The following AFAP1 variants were observed in gnomAD, a reference collection of about 807,000 sequenced individuals.
The protein encoded by AFAP1 is actin filament-associated protein 1.
Under a neutral mutation model 93.9 loss-of-function variants are expected in AFAP1, and 75 were observed. The observed-to-expected ratio is 0.80, with a 90% CI of 0.66 to 0.97. AFAP1 has a LOEUF of 0.97. AFAP1 is among the 50% of genes least tolerant of loss of function. The probability of loss-of-function intolerance (pLI) is 0.00; values close to 1 mark genes in which losing one functional copy is unlikely to be tolerated. For synonymous variants in AFAP1, 517 were observed against 430.7 expected (o/e 1.20, Z -2.48); for missense variants, 1,201 against 1,050.8 (o/e 1.14, Z -1.98).
Position 7,774,907 on chromosome 4 carries a change from GAGA to G in AFAP1, c.1898-7_1898-5del. 1 of 1,596,110 alleles carries G rather than the reference GAGA, an allele frequency of 6.3e-7. No homozygotes were observed. On this transcript the variant is annotated splice_region_variant and splice_polypyrimidine_tract_variant and intron_variant, in intron 14 of 17. Coordinates refer to ENST00000420658, the MANE Select transcript of AFAP1 (RefSeq NM_001134647.2). ...CCATACTTGTACTGGGCAGCATCTT[GAGA>G]AGAAAAAAAAGCAGCAATTAAAAAT...
chr4:7,856,202 T>G (rs1289729396), intron 3 of AFAP1, among the ~76,000 whole-genome samples: 1 of 152,202 alleles, frequency 6.6e-6, no homozygotes, highest in Admixed American at 6.5e-5. Context: ...GTAGAAATTA[T>G]TCTCTAGAGA....
rs1712595177 is a variant in AFAP1, at chr4:7,838,614, CT to C, written c.635del (p.Lys212ArgfsTer6). 6.2e-7 allele frequency: 1 copy of C among 1,614,138 alleles called. No homozygotes were observed. The highest frequency in any genetic ancestry group is 8.5e-7 in the Non-Finnish European group (1 of 1,180,022). The part of the protein sequence containing the change: ...NITYIPKDSK[K>X]KKHELKITQQ... ...GAGTAATCTTCAGCTCGTGCTTCTT[CT>C]TTTTGCTGTCTTTCGGGATGTACGT... On this transcript the variant is annotated frameshift_variant, in exon 6 of 18. Transcript: ENST00000420658. LOFTEE classifies it high-confidence loss of function.
intron 4 of AFAP1, among the ~76,000 whole-genome samples, chr4:7,853,754 G>GACAAGTCAGTTGTC (rs1714721724): frequency 6.6e-6 from 1 of 152,154 alleles, no homozygotes; most frequent in African/African-American, 2.4e-5. Flanking sequence ...ATCCTTAACT[G>GACAAGTCAGTTGTC]AGCTGACAAG....
rs991435665 is a variant in AFAP1 at position 7,762,683 on chromosome 4, G to A, written c.*1082C>T. ...CTACTCAGGAGAGGCAGCACGGCCA[G>A]GCCCACCAACACATTAGTGGTTTAA... On this transcript the variant is annotated 3_prime_UTR_variant, in exon 18 of 18. Transcript: ENST00000420658. The A allele has an allele frequency of 2.6e-5, 4 of 152,316 alleles. No homozygotes were observed. Among genetic ancestry groups the A allele is most frequent in the African/African-American group, 9.6e-5 (4 of 41,476 alleles). 9.4% of individuals were successfully genotyped at this position (152,316 alleles called of 1,614,324 possible).
At chr4:7,868,816 T>G in intron 2 of AFAP1, 97 bp from the exon 3 acceptor site, 1 of 1,027,532 alleles carries the variant, frequency 9.7e-7, no homozygotes, top group Non-Finnish European at 1.4e-6. Flanking sequence ...GTTGAACACT[T>G]TGCAAATATT....
intron 1 of AFAP1, among the ~76,000 whole-genome samples, chr4:7,926,823 G>A (rs572119775): frequency 3.2e-4 from 49 of 152,188 alleles, no homozygotes; most frequent in African/African-American, 9.4e-4. Flanking sequence ...TGCAACCTCC[G>A]CCTCCTGGTT....
chr4:7,766,501 T>C (rs778740626), intron 17 of AFAP1, among the ~76,000 whole-genome samples: 5 of 152,154 alleles, frequency 3.3e-5, no homozygotes, highest in Admixed American at 6.5e-5. Context: ...GATGAGAACC[T>C]GTATCCTCCA....
At chr4:7,931,622 A>G (rs554601003) in intron 1 of AFAP1, among the ~76,000 whole-genome samples, 62 of 150,446 alleles carry the variant, frequency 4.1e-4, no homozygotes, top group African/African-American at 1.5e-3. Flanking sequence ...ACCTCAGTGG[A>G]TCCTACTGCC....
At chr4:7,887,925 CA>C (rs1460895081) in intron 1 of AFAP1, among the ~76,000 whole-genome samples, 1 of 151,984 alleles carries the variant, frequency 6.6e-6, no homozygotes, top group Non-Finnish European at 1.5e-5. Context: ...CTCACAGGTT[CA>C]AGCGATACTC....
At chr4:7,863,310 T>C (rs1029777515) in intron 3 of AFAP1, among the ~76,000 whole-genome samples, 7 of 151,926 alleles carry the variant, frequency 4.6e-5, no homozygotes, top group African/African-American at 9.7e-5. Context: ...TCTCAGCTAC[T>C]TGGGAGGGTG....
At chr4:7,810,947 G>A (rs6446622) in intron 8 of AFAP1, among the ~76,000 whole-genome samples, 93,806 of 152,114 alleles carry the variant, frequency 0.62, 29,214 homozygotes, top group East Asian at 0.83. Context: ...GACCTCCGGC[G>A]GAATTGCAGG....
Position 7,763,708 on chromosome 4 carries a change from T to C in AFAP1, c.*57A>G. ...GCAGAGCTTCCTGCCGTCACACAGA[T>C]GAGGATACAGGCAAGGGGGTGTGCA... On this transcript the variant is annotated 3_prime_UTR_variant, in exon 18 of 18. Coordinates refer to ENST00000420658, the MANE Select transcript of AFAP1 (RefSeq NM_001134647.2). 1 of 1,548,030 alleles carries C rather than the reference T, an allele frequency of 6.5e-7. No individual in the cohort carries two copies. The highest frequency in any genetic ancestry group is 2.4e-5 in the East Asian group (1 of 40,866).
intron 1 of AFAP1, among the ~76,000 whole-genome samples, chr4:7,878,082 G>T (rs1189041733): frequency 6.6e-6 from 1 of 152,216 alleles, no homozygotes; most frequent in Non-Finnish European, 1.5e-5. Context: ...AGCAAGAAGG[G>T]AAGAAGTTCT....
At chr4:7,889,014 A>C (rs1323029932) in intron 1 of AFAP1, among the ~76,000 whole-genome samples, 2 of 151,438 alleles carry the variant, frequency 1.3e-5, no homozygotes, top group African/African-American at 4.8e-5. Flanking sequence ...CTGGTCTCGA[A>C]CTCCTGACCT....
rs186560110 is a variant in AFAP1 at position 7,931,955 on chromosome 4, G to A, written c.-3+7701C>T. On this transcript the variant is annotated intron_variant, in intron 1 of 17. Coordinates refer to ENST00000420658, the MANE Select transcript of AFAP1 (RefSeq NM_001134647.2). ...GGCTCACTGCAAGCTCCACCTCCAG[G>A]GTCCACGCCATTCTCCTGCCTCAGC... Among the ~76,000 whole-genome samples the A allele has an allele frequency of 4.9e-3, 742 of 151,950 alleles. 4 individuals are homozygous for A. The highest frequency in any genetic ancestry group is 0.017 in the African/African-American group (712 of 41,416).
At chr4:7,766,840 C>T (rs964482346) in intron 17 of AFAP1, among the ~76,000 whole-genome samples, 29 of 152,160 alleles carry the variant, frequency 1.9e-4, no homozygotes, top group African/African-American at 6.8e-4. Flanking sequence ...CCAGGAAGCC[C>T]TGGGGCACGG....
intron 11 of AFAP1, among the ~76,000 whole-genome samples, chr4:7,791,666 A>G (rs977416315): frequency 6.6e-6 from 1 of 151,374 alleles, no homozygotes; most frequent in South Asian, 2.1e-4. Flanking sequence ...AGCCTGGGCA[A>G]CATAATAAGA....
chr4:7,792,084 G>C (rs1467557358), intron 11 of AFAP1, among the ~76,000 whole-genome samples: 2 of 152,152 alleles, frequency 1.3e-5, no homozygotes, highest in Non-Finnish European at 2.9e-5. Context: ...AGTATGTGAA[G>C]AAAATCCAGC....
chr4:7,928,238 G>A (rs1205784122), intron 1 of AFAP1, among the ~76,000 whole-genome samples: 2 of 152,164 alleles, frequency 1.3e-5, no homozygotes, highest in African/African-American at 4.8e-5. Flanking sequence ...TGAGGCCTGG[G>A]AGAAAGCAGG....
Sources: allele counts gnomAD v4.1 joint callset (sites outside exome capture counted in the v4.1 genomes callset), GRCh38; gene constraint gnomAD v4.1.1; transcripts MANE v1.5; gene names NCBI Gene and HGNC (gene_info 2026-07-23, HGNC 2026-07-21).